The following GALNT17 variants were observed in gnomAD, a reference collection of about 807,000 sequenced individuals.
GALNT17 encodes the protein UDP-GalNAc:polypeptide N-acetylgalactosaminyltransferase-like 3.
In GALNT17, 29 loss-of-function variants were observed where a neutral mutation model predicts 63.7. The ratio of observed to expected loss-of-function variants is 0.46; its 90% CI spans 0.34 to 0.62. The LOEUF is 0.62. Ranked by LOEUF, GALNT17 falls within the 20% of genes least tolerant of loss-of-function variation. The pLI, the probability that GALNT17 is intolerant of heterozygous loss-of-function variation, is 0.01. For missense variants in GALNT17, 603 were observed against 799.6 expected, an observed-to-expected ratio of 0.75 and a Z score of 2.97; for synonymous variants, 305 against 318.3, an observed-to-expected ratio of 0.96 and a Z score of 0.45.
chr7:71,438,046 C>T lies in GALNT17; in HGVS notation c.962+16941C>T, dbSNP rs554943543. Among the ~76,000 whole-genome samples, 5 of 152,262 alleles carry T rather than the reference C, an allele frequency of 3.3e-5. No individual in the cohort carries two copies. The South Asian group carries it at 6.2e-4, about 19-fold the overall frequency. On this transcript the variant is annotated intron_variant, in intron 5 of 10. Transcript: ENST00000333538. ...TGTTTTCTAAGCCAGATTTGAACCA[C>T]AAATTTTGATATTCAGTTTACTTCC...
chr7:71,372,575 C>T (rs1276381083), intron 2 of GALNT17, among the ~76,000 whole-genome samples: 1 of 152,202 alleles, frequency 6.6e-6, no homozygotes, highest in Non-Finnish European at 1.5e-5. Flanking sequence ...CCTCAGCCTC[C>T]CTAGTAGCTG....
intron 2 of GALNT17, among the ~76,000 whole-genome samples, chr7:71,339,580 C>T (rs1791972241): frequency 6.6e-6 from 1 of 151,966 alleles, no homozygotes; most frequent in African/African-American, 2.4e-5. Flanking sequence ...GTCCCAGCTA[C>T]TTGGGAGACT....
intron 5 of GALNT17, among the ~76,000 whole-genome samples, chr7:71,423,854 C>T (rs570825049): frequency 3.3e-5 from 5 of 151,900 alleles, no homozygotes; most frequent in Non-Finnish European, 7.4e-5. Flanking sequence ...CCCAGGAGGT[C>T]GAGGCTGTAG....
chr7:71,525,750 T>A (rs902785133), intron 5 of GALNT17, among the ~76,000 whole-genome samples: 2 of 144,742 alleles, frequency 1.4e-5, no homozygotes, highest in Non-Finnish European at 3.0e-5. Flanking sequence ...TTTTTTTTTT[T>A]TTTTTTTGAG....
intron 6 of GALNT17, among the ~76,000 whole-genome samples, chr7:71,657,396 T>C (rs558595318): frequency 1.7e-4 from 26 of 152,330 alleles, no homozygotes; most frequent in Non-Finnish European, 3.7e-4. Context: ...TCAAAAATGT[T>C]TGGAGCCCAT....
At chr7:71,642,098 G>A (rs1790611807) in intron 6 of GALNT17, among the ~76,000 whole-genome samples, 1 of 152,146 alleles carries the variant, frequency 6.6e-6, no homozygotes, top group African/African-American at 2.4e-5. Context: ...ACACGAGGCT[G>A]TCTGCTGATG....
chr7:71,346,658 C>A (rs1266324040), intron 2 of GALNT17, among the ~76,000 whole-genome samples: 1 of 150,540 alleles, frequency 6.6e-6, no homozygotes, highest in Non-Finnish European at 1.5e-5. Context: ...CAGAATGGAA[C>A]CTTCTCCTCT....
intron 5 of GALNT17, among the ~76,000 whole-genome samples, chr7:71,553,638 A>C (rs1789116223): frequency 6.6e-6 from 1 of 152,214 alleles, no homozygotes; most frequent in South Asian, 2.1e-4. Context: ...AACACAATTT[A>C]AATTTTAGTT....
At chr7:71,143,421 AAAAAG>A (rs1476102776) in intron 1 of GALNT17, among the ~76,000 whole-genome samples, 14 of 151,686 alleles carry the variant, frequency 9.2e-5, no homozygotes, top group African/African-American at 3.1e-4. Context: ...AAAAAAAAAA[AAAAAG>A]AAAGAAAAGA....
chr7:71,154,185 A>G (rs1788187128), intron 1 of GALNT17, among the ~76,000 whole-genome samples: 1 of 151,736 alleles, frequency 6.6e-6, no homozygotes, highest in Non-Finnish European at 1.5e-5. Flanking sequence ...GGCTTCGCTG[A>G]AGCCCCCATA....
intron 5 of GALNT17, among the ~76,000 whole-genome samples, chr7:71,449,535 A>G (rs1216605229): frequency 6.6e-6 from 1 of 152,052 alleles, no homozygotes; most frequent in Non-Finnish European, 1.5e-5. Flanking sequence ...ACAAATCTTT[A>G]TCTCATTCCT....
intron 3 of GALNT17, among the ~76,000 whole-genome samples, chr7:71,406,713 C>A (rs529352913): frequency 7.4e-5 from 11 of 149,224 alleles, no homozygotes; most frequent in African/African-American, 2.7e-4. Flanking sequence ...AAGGTATTCT[C>A]AGGCGCACCT....
intron 2 of GALNT17, among the ~76,000 whole-genome samples, chr7:71,351,541 G>A (rs1476959329): frequency 2.6e-5 from 4 of 151,880 alleles, no homozygotes; most frequent in Non-Finnish European, 4.4e-5. Flanking sequence ...GAGAAAACAC[G>A]GAGACTAAGA....
chr7:71,545,412 G>A (rs768942270), intron 5 of GALNT17, among the ~76,000 whole-genome samples: 1 of 152,180 alleles, frequency 6.6e-6, no homozygotes, highest in Non-Finnish European at 1.5e-5. Flanking sequence ...GAGTGCAATG[G>A]CATGATCTTG....
At chr7:71,409,011 TACACAA>T (rs1171262916) in intron 3 of GALNT17, among the ~76,000 whole-genome samples, 2 of 77,842 alleles carry the variant, frequency 2.6e-5, no homozygotes, top group African/African-American at 1.1e-4. Flanking sequence ...TATATGCACA[TACACAA>T]ACACACACAC....
chr7:71,380,141 C>A (rs143548640), intron 2 of GALNT17, among the ~76,000 whole-genome samples: 1 of 151,754 alleles, frequency 6.6e-6, no homozygotes, highest in Non-Finnish European at 1.5e-5. Context: ...ATTCTGGCCA[C>A]GTAGAGTAGA....
At chr7:71,602,964 C>T (rs1243967411) in intron 6 of GALNT17, among the ~76,000 whole-genome samples, 1 of 152,120 alleles carries the variant, frequency 6.6e-6, no homozygotes, top group East Asian at 1.9e-4. Flanking sequence ...ACACTGGATA[C>T]TATGCTAAGT....
At chr7:71,352,919 C>T (rs1242484206) in intron 2 of GALNT17, among the ~76,000 whole-genome samples, 2 of 152,076 alleles carry the variant, frequency 1.3e-5, no homozygotes, top group Non-Finnish European at 2.9e-5. Flanking sequence ...CAGAATCGTT[C>T]AGCAGATTTG....
At chr7:71,628,248 G>A (rs747618815) in intron 6 of GALNT17, among the ~76,000 whole-genome samples, 1 of 152,092 alleles carries the variant, frequency 6.6e-6, no homozygotes, top group African/African-American at 2.4e-5. Context: ...AGAAACAAAT[G>A]TTAAGCTCCA....
Sources: gnomAD v4.1 joint callset for allele counts (sites outside exome capture counted in the v4.1 genomes callset) on GRCh38, gnomAD v4.1.1 for gene constraint, MANE v1.5 for transcripts, NCBI Gene and HGNC (gene_info 2026-07-23, HGNC 2026-07-21) for gene names.